Variants in ANKRD31 observed in about 807,000 individuals in gnomAD.
ANKRD31 encodes the protein ankyrin repeat domain 31.
In ANKRD31, 147 loss-of-function variants were observed where a neutral mutation model predicts 186.0. The observed-to-expected ratio is 0.79, with a 90% confidence interval of 0.69 to 0.91. ANKRD31 has a LOEUF of 0.91. Among genes scored for constraint, ANKRD31 ranks in the 40% least tolerant of loss-of-function variants. ANKRD31 has a pLI of 0.00. For synonymous variants in ANKRD31, 673 were observed against 736.4 expected (o/e 0.91, Z 1.39); for missense variants, 1,986 against 2,148.8 (o/e 0.92, Z 1.50).
At chr5:75,174,660 C>A (rs540297198) in intron 10 of ANKRD31, among the ~76,000 whole-genome samples, 71 of 152,304 alleles carry the variant, frequency 4.7e-4, no homozygotes, top group Non-Finnish European at 5.6e-4. Flanking sequence ...CAGAGAAATG[C>A]AAATCAAAAC....
At chr5:75,105,344 T>A (rs1425767989) in intron 21 of ANKRD31, 126 bp from the exon 22 acceptor site, 1 of 1,044,710 alleles carries the variant, frequency 9.6e-7, no homozygotes, top group African/African-American at 1.7e-5. Flanking sequence ...AAACTATGCC[T>A]GTGCAATTTA....
chr5:75,213,389 T>C (rs1168358272), intron 3 of ANKRD31, among the ~76,000 whole-genome samples: 1 of 152,172 alleles, frequency 6.6e-6, no homozygotes, highest in African/African-American at 2.4e-5. Context: ...TATCTGCCCA[T>C]GTTGGCCTCC....
At chr5:75,219,433 A>G (rs1757155672) in intron 3 of ANKRD31, among the ~76,000 whole-genome samples, 1 of 152,210 alleles carries the variant, frequency 6.6e-6, no homozygotes, top group African/African-American at 2.4e-5. Flanking sequence ...GCAACAAACA[A>G]AAAAAGTAGG....
At chr5:75,108,010 T>C (rs1024678643) in intron 20 of ANKRD31, among the ~76,000 whole-genome samples, 1 of 152,044 alleles carries the variant, frequency 6.6e-6, no homozygotes, top group South Asian at 2.1e-4. Context: ...TAAAATTTTT[T>C]CAAGCCATAT....
intron 15 of ANKRD31, among the ~76,000 whole-genome samples, chr5:75,143,027 C>T (rs751740259): frequency 8.2e-4 from 125 of 152,142 alleles, no homozygotes; most frequent in African/African-American, 2.9e-3. Context: ...AAAGTGTCAA[C>T]GGGGCTGTAC....
chr5:75,147,220 T>G lies in ANKRD31; in HGVS notation c.2191A>C (p.Arg731=). 1 of 1,536,398 alleles carries G rather than the reference T, an allele frequency of 6.5e-7. No individual in the cohort carries two copies. The highest frequency in any genetic ancestry group is 1.4e-5 in the African/African-American group (1 of 73,104). The change falls in exon 14 of 26, where the codon AGA becomes CGA. Residue 731 remains arginine, a synonymous_variant. Transcript: ENST00000506364. ...TGGGTCCTTTTATGTTGTGTTTTTC[T>G]TCTTCCTATACCTTTTGGTACGTTT... is the stretch of plus-strand genomic sequence containing the variant. ...NTNVPKGIGR[R]KTQHKRTQVD...
At chr5:75,165,408 GAAAT>G (rs1752848873) in intron 11 of ANKRD31, among the ~76,000 whole-genome samples, 1 of 151,938 alleles carries the variant, frequency 6.6e-6, no homozygotes, top group Non-Finnish European at 1.5e-5. Context: ...AGATGATAAA[GAAAT>G]AATTCAATTA....
intron 19 of ANKRD31, among the ~76,000 whole-genome samples, chr5:75,115,601 C>T (rs1259326700): frequency 2.0e-5 from 3 of 151,764 alleles, no homozygotes; most frequent in Non-Finnish European, 4.4e-5. Context: ...GGGCAAAGGA[C>T]ATGAACAGAC....
At position 75,146,190 on chromosome 5, in the gene ANKRD31, A is replaced by AT; in HGVS notation, c.3220dup (p.Ile1074AsnfsTer6). On this transcript the variant is annotated frameshift_variant, in exon 14 of 26. Transcript: ENST00000506364. LOFTEE classifies it high-confidence loss of function. Reference sequence around the variant, plus strand: ...GGATAAAGGCTCATTTGAATAAATTATTTTTTGGTCTCTGTCAATGTAATT... The same window carrying AT: ...GGATAAAGGCTCATTTGAATAAATTATTTTTTTGGTCTCTGTCAATGTAATT... 2 of 1,535,680 alleles carry AT rather than the reference A, an allele frequency of 1.3e-6. No individual in the cohort carries two copies. Among genetic ancestry groups the AT allele is most frequent in the Non-Finnish European group, 8.7e-7 (1 of 1,146,152 alleles).
chr5:75,201,465 A>T (rs1755819311), intron 5 of ANKRD31, among the ~76,000 whole-genome samples: 1 of 152,216 alleles, frequency 6.6e-6, no homozygotes, highest in African/African-American at 2.4e-5. Flanking sequence ...CTACCTTTGG[A>T]AGGAGAGGTT....
At chr5:75,094,244 G>C (rs1746144731) in intron 22 of ANKRD31, among the ~76,000 whole-genome samples, 1 of 151,978 alleles carries the variant, frequency 6.6e-6, no homozygotes, top group Non-Finnish European at 1.5e-5. Flanking sequence ...TAAGAAGGTA[G>C]GTATAACAAA....
chr5:75,185,188 T>C (rs577864397), intron 10 of ANKRD31, among the ~76,000 whole-genome samples: 173 of 152,166 alleles, frequency 1.1e-3, no homozygotes, highest in Non-Finnish European at 2.1e-3. Flanking sequence ...AATAGAATAG[T>C]GGTTACTACA....
At chr5:75,218,934 C>A (rs1285046098) in intron 3 of ANKRD31, among the ~76,000 whole-genome samples, 1 of 152,042 alleles carries the variant, frequency 6.6e-6, no homozygotes. Flanking sequence ...AATTCAAATC[C>A]CTTCATGTTA....
At chr5:75,215,241 A>G (rs1265790194) in intron 3 of ANKRD31, among the ~76,000 whole-genome samples, 1 of 152,180 alleles carries the variant, frequency 6.6e-6, no homozygotes. Context: ...AACTGATTAG[A>G]TGAGGCCTAC....
At chr5:75,230,877 G>T (rs1561555785) in intron 1 of ANKRD31, among the ~76,000 whole-genome samples, 1 of 151,864 alleles carries the variant, frequency 6.6e-6, no homozygotes, top group Non-Finnish European at 1.5e-5. Flanking sequence ...TTAATATTTG[G>T]GAGTAAGGGA....
Position 75,192,216 on chromosome 5 carries a change from C to T in ANKRD31, c.1408+451G>A, listed in dbSNP as rs139201041. 1.5e-3 allele frequency among the ~76,000 whole-genome samples: 224 copies of T among 152,152 alleles called. 1 individual carries two copies. Among genetic ancestry groups the T allele is most frequent in the African/African-American group, 4.9e-3 (205 of 41,526 alleles). The stretch of plus-strand genomic sequence containing the variant: ...CCATATTTCAGTTTTGCCAATTGTT[C>T]TACTATCTATTATTTTTTAAACAAT... On this transcript the variant is annotated intron_variant, in intron 9 of 25. Coordinates refer to ENST00000506364, the MANE Select transcript of ANKRD31 (RefSeq NM_001372053.1).
At chr5:75,149,773 G>C (rs762567188) in intron 12 of ANKRD31, among the ~76,000 whole-genome samples, 5 of 151,912 alleles carry the variant, frequency 3.3e-5, no homozygotes, top group Non-Finnish European at 5.9e-5. Context: ...TATAGAGAAA[G>C]TGCTCCATTA....
chr5:75,092,329 G>T (rs1222837845), intron 22 of ANKRD31, among the ~76,000 whole-genome samples: 1 of 152,148 alleles, frequency 6.6e-6, no homozygotes, highest in Admixed American at 6.6e-5. Context: ...AGCCTTCCTA[G>T]GTTCATAATA....
intron 22 of ANKRD31, among the ~76,000 whole-genome samples, chr5:75,102,035 G>T (rs1457265071): frequency 6.6e-6 from 1 of 152,210 alleles, no homozygotes; most frequent in Non-Finnish European, 1.5e-5. Context: ...CAGCTTTTCT[G>T]CTCTGGTTTC....
Sources: allele counts gnomAD v4.1 joint callset (sites outside exome capture counted in the v4.1 genomes callset), GRCh38; gene constraint gnomAD v4.1.1; transcripts MANE v1.5; gene names NCBI Gene and HGNC (gene_info 2026-07-23, HGNC 2026-07-21).